The following PAPPA variants were observed in gnomAD, a reference collection of about 807,000 sequenced individuals.
PAPPA encodes pappalysin-1.
Under a neutral mutation model 164.0 loss-of-function variants are expected in PAPPA, and 60 were observed. That is an observed-to-expected ratio of 0.37 (90% confidence interval 0.30 to 0.45). PAPPA has a LOEUF of 0.45. Ranked by LOEUF, PAPPA falls within the 20% of genes least tolerant of loss-of-function variation. The pLI is 1.00. For missense variants in PAPPA, 1,782 were observed against 2,087.3 expected (o/e 0.85, Z 2.85); for synonymous variants, 875 against 814.1 (o/e 1.07, Z -1.27).
intron 1 of PAPPA, among the ~76,000 whole-genome samples, chr9:116,185,169 C>T (rs193035562): frequency 5.3e-5 from 8 of 152,248 alleles, no homozygotes; most frequent in Admixed American, 1.3e-4. Context: ...TTACTTAACC[C>T]GCTCCTTTAC....
chr9:116,155,247 C>A (rs929035549), intron 1 of PAPPA, among the ~76,000 whole-genome samples: 1 of 152,150 alleles, frequency 6.6e-6, no homozygotes, highest in Non-Finnish European at 1.5e-5. Context: ...TCCCCAGACG[C>A]GGCTGCGAAA....
chr9:116,248,463 C>A (rs530227781), intron 7 of PAPPA, among the ~76,000 whole-genome samples: 1 of 152,112 alleles, frequency 6.6e-6, no homozygotes, highest in Admixed American at 6.6e-5. Flanking sequence ...TAAGTAAAGA[C>A]GGAGGCAGCA....
chr9:116,154,155 C>CGGGGGCCAGGGGGGGGG lies in PAPPA; in HGVS notation c.-13_-12insCCAGGGGGGGGGGGGGG. 4.3e-6 allele frequency: 2 copies of CGGGGGCCAGGGGGGGGG among 464,818 alleles called. No individual in the cohort carries two copies. Among genetic ancestry groups the CGGGGGCCAGGGGGGGGG allele is most frequent in the Non-Finnish European group, 5.8e-6 (2 of 345,560 alleles). 28.8% of individuals were successfully genotyped at this position (464,818 alleles called of 1,614,324 possible). A position where few individuals can be genotyped will look rare whatever the true frequency, so the allele number is the denominator to read the frequency against. Reference sequence around the variant, plus strand: ...TGGCGGTGCAGGGGCGAAGGGGGGGCGGGGGGAACCGTCGGACATGCGGCT... The same window carrying CGGGGGCCAGGGGGGGGG: ...TGGCGGTGCAGGGGCGAAGGGGGGGCGGGGGCCAGGGGGGGGGGGGGGGAACCGTCGGACATGCGGCT... On this transcript the variant is annotated 5_prime_UTR_variant, in exon 1 of 22. Coordinates refer to ENST00000328252, the MANE Select transcript of PAPPA (RefSeq NM_002581.5). The surrounding 1 kb of genome is among the most constrained non-coding windows in gnomAD (Gnocchi z 5.2).
intron 4 of PAPPA, among the ~76,000 whole-genome samples, chr9:116,217,295 A>G (rs914889166): frequency 6.6e-6 from 1 of 152,146 alleles, no homozygotes; most frequent in African/African-American, 2.4e-5. Context: ...TCACAACTTC[A>G]TGGTTTGGAG....
rs1486305409 is a variant in PAPPA, at chr9:116,272,011, C to G, written c.2953+595C>G. On this transcript the variant is annotated intron_variant, in intron 9 of 21. Transcript: ENST00000328252. ...GAGGAAGGAGGAATAGCAGACCAGC[C>G]TGTGTTTAGAAAGCAAATGTCCTTT... Among the ~76,000 whole-genome samples the G allele has an allele frequency of 2.0e-5, 3 of 152,214 alleles. No homozygotes were observed. In the East Asian group the frequency reaches 5.8e-4, roughly 29 times the overall value.
At chr9:116,197,016 C>A (rs1844113736) in intron 2 of PAPPA, among the ~76,000 whole-genome samples, 1 of 152,130 alleles carries the variant, frequency 6.6e-6, no homozygotes, top group African/African-American at 2.4e-5. Flanking sequence ...CCATGAGAAT[C>A]CATGGTAGAA....
At chr9:116,379,065 T>A (rs1655598246) in intron 20 of PAPPA, among the ~76,000 whole-genome samples, 1 of 152,232 alleles carries the variant, frequency 6.6e-6, no homozygotes, top group Admixed American at 6.5e-5. Flanking sequence ...ACCTGGGCAC[T>A]CATTCTGCTG....
intron 21 of PAPPA, among the ~76,000 whole-genome samples, chr9:116,390,699 GC>G (rs1056988085): frequency 1.7e-5 from 1 of 57,674 alleles, no homozygotes; most frequent in Non-Finnish European, 4.5e-5. Context: ...GCCTCCCCCT[GC>G]CCCCCGCTTT....
intron 1 of PAPPA, among the ~76,000 whole-genome samples, chr9:116,174,669 A>G (rs1277643253): frequency 1.3e-5 from 2 of 152,242 alleles, no homozygotes; most frequent in Non-Finnish European, 1.5e-5. Flanking sequence ...ACAAAAATGG[A>G]TTAATTCTTT....
Position 116,398,828 on chromosome 9 carries a change from T to G in PAPPA, c.*2212T>G, listed in dbSNP as rs1489581759. 2.6e-5 allele frequency: 10 copies of G among 379,786 alleles called. No homozygotes were observed. In the Admixed American group the frequency reaches 3.4e-4, roughly 13 times the overall value. 23.5% of individuals were successfully genotyped at this position (379,786 alleles called of 1,614,324 possible). A position where few individuals can be genotyped will look rare whatever the true frequency, so the allele number is the denominator to read the frequency against. ...ACTTCACTATAATTACAAGGACAAA[T>G]TATTAGCAAGAAATAAGAATAGTAT... On this transcript the variant is annotated 3_prime_UTR_variant, in exon 22 of 22. Coordinates refer to ENST00000328252, the MANE Select transcript of PAPPA (RefSeq NM_002581.5).
intron 4 of PAPPA, among the ~76,000 whole-genome samples, chr9:116,214,943 T>C (rs1266078653): frequency 6.6e-6 from 1 of 152,250 alleles, no homozygotes; most frequent in Admixed American, 6.5e-5. Flanking sequence ...AAGAATGTTC[T>C]TAATGATATT....
intron 7 of PAPPA, among the ~76,000 whole-genome samples, chr9:116,238,381 T>C (rs1464779561): frequency 6.6e-6 from 1 of 152,216 alleles, no homozygotes; most frequent in African/African-American, 2.4e-5. Flanking sequence ...TAATAGCCAC[T>C]GCTCTAAATT....
At chr9:116,195,769 C>T (rs1175686833) in intron 2 of PAPPA, among the ~76,000 whole-genome samples, 1 of 152,208 alleles carries the variant, frequency 6.6e-6, no homozygotes, top group Non-Finnish European at 1.5e-5. Context: ...AGCCCCTTTT[C>T]AATCCTGAGC....
chr9:116,195,634 T>G (rs1844095068), intron 2 of PAPPA, among the ~76,000 whole-genome samples: 1 of 152,196 alleles, frequency 6.6e-6, no homozygotes, highest in Non-Finnish European at 1.5e-5. Context: ...ACAGTCAACC[T>G]TTTAGGACAG....
chr9:116,239,204 A>G (rs1844708359), intron 7 of PAPPA, among the ~76,000 whole-genome samples: 1 of 152,180 alleles, frequency 6.6e-6, no homozygotes, highest in Non-Finnish European at 1.5e-5. Context: ...GGAAACTTCT[A>G]GTAGACTGAT....
Position 116,344,649 on chromosome 9 carries a change from G to A in PAPPA, c.3718G>A (p.Val1240Met). 6.2e-7 allele frequency: 1 copy of A among 1,614,210 alleles called. No homozygotes were observed. Among genetic ancestry groups the A allele is most frequent in the Non-Finnish European group, 8.5e-7 (1 of 1,180,036 alleles). ...SDRYHGAQCT[V>M]SCRTGYVLQI... ...CCGCTACCACGGTGCCCAGTGTACT[G>A]TGAGCTGCCGGACAGGCTACGTGCT... The change falls in exon 14 of 22, where the codon GTG (valine) becomes ATG (methionine). Residue 1240 changes from valine to methionine, a missense_variant. Val to Met is a conservative substitution (Grantham distance 21). This residue lies in a region of PAPPA where 1,324 missense variants were observed against 1,656.9 expected (regional missense o/e 0.80). Coordinates refer to ENST00000328252, the MANE Select transcript of PAPPA (RefSeq NM_002581.5).
At chr9:116,157,986 T>C (rs1162592304) in intron 1 of PAPPA, among the ~76,000 whole-genome samples, 4 of 152,078 alleles carry the variant, frequency 2.6e-5, no homozygotes, top group African/African-American at 4.8e-5. Context: ...GTTAATCTTG[T>C]TAAAGTTTCT....
intron 9 of PAPPA, among the ~76,000 whole-genome samples, chr9:116,283,319 G>T (rs958315745): frequency 1.3e-5 from 2 of 152,174 alleles, no homozygotes; most frequent in African/African-American, 4.8e-5. Context: ...TCTGGTGCAG[G>T]GGTTGGTGAG....
chr9:116,177,036 A>C (rs1843844816), intron 1 of PAPPA, among the ~76,000 whole-genome samples: 1 of 150,590 alleles, frequency 6.6e-6, no homozygotes, highest in Admixed American at 6.6e-5. Flanking sequence ...GGACATGTAA[A>C]ATATGTTTCT....
Sources: allele counts gnomAD v4.1 joint callset (sites outside exome capture counted in the v4.1 genomes callset), GRCh38; gene constraint gnomAD v4.1.1; regional missense constraint gnomAD v4.1.1; non-coding constraint Gnocchi (gnomAD v3.1); transcripts MANE v1.5; gene names NCBI Gene and HGNC (gene_info 2026-07-23, HGNC 2026-07-21).